Variants in ASIC2 observed in about 807,000 individuals in gnomAD.
The protein encoded by ASIC2 is acid-sensing ion channel 2.
ASIC2 carries 25 observed loss-of-function variants against 57.3 expected under a neutral mutation model. The observed-to-expected ratio is 0.44, with a 90% CI of 0.32 to 0.61. The LOEUF (loss-of-function observed/expected upper bound fraction) is 0.61. Ranked by LOEUF, ASIC2 falls within the 20% of genes least tolerant of loss-of-function variation. The pLI is 0.06. For synonymous variants in ASIC2, 319 were observed against 307.5 expected, an observed-to-expected ratio of 1.04 and a Z score of -0.39; for missense variants, 641 against 738.1, an observed-to-expected ratio of 0.87 and a Z score of 1.52.
intron 2 of ASIC2, among the ~76,000 whole-genome samples, chr17:33,093,978 A>ACCCTAGCTC: frequency 6.6e-6 from 1 of 152,190 alleles, no homozygotes; most frequent in Non-Finnish European, 1.5e-5. Context: ...GAGTGGGGGA[A>ACCCTAGCTC]CCCTAGCTCC....
chr17:33,740,112 G>A (rs1910063421), intron 1 of ASIC2, among the ~76,000 whole-genome samples: 1 of 152,182 alleles, frequency 6.6e-6, no homozygotes. Flanking sequence ...CAAAGTCATA[G>A]CCAAGTACAA....
At chr17:34,103,386 TC>T (rs1910935989) in intron 1 of ASIC2, among the ~76,000 whole-genome samples, 1 of 152,196 alleles carries the variant, frequency 6.6e-6, no homozygotes, top group South Asian at 2.1e-4. Flanking sequence ...ATTCCTGTGC[TC>T]AAACAATCCT....
At chr17:33,727,343 TCA>T (rs773622598) in intron 1 of ASIC2, among the ~76,000 whole-genome samples, 31 of 152,192 alleles carry the variant, frequency 2.0e-4, no homozygotes, top group Non-Finnish European at 1.2e-4. Flanking sequence ...CTTTAAAATC[TCA>T]GTTTTACAAC....
intron 3 of ASIC2, among the ~76,000 whole-genome samples, chr17:33,081,819 ATGG>A (rs1250679056): frequency 6.6e-6 from 1 of 152,190 alleles, no homozygotes; most frequent in African/African-American, 2.4e-5. Context: ...TTCCCTTCAA[ATGG>A]TGGAAATGTG....
At chr17:33,657,282 G>A (rs952346597) in intron 1 of ASIC2, among the ~76,000 whole-genome samples, 2 of 152,148 alleles carry the variant, frequency 1.3e-5, no homozygotes, top group African/African-American at 4.8e-5. Context: ...GACTGGCTAC[G>A]CTGCAGTTAC....
rs559460386 is a variant in ASIC2, at chr17:33,509,397, C to G, written c.556-397330G>C. Among the ~76,000 whole-genome samples, 238 of 152,264 alleles carry G rather than the reference C, an allele frequency of 1.6e-3. 1 individual carries two copies. Among genetic ancestry groups the G allele is most frequent in the African/African-American group, 5.3e-3 (221 of 41,550 alleles). On this transcript the variant is annotated intron_variant, in intron 1 of 9. Coordinates refer to the ASIC2 transcript ENST00000359872. ...CACTTCACAGATGAGTCAAGTGAGGCTTAGGGAGCTTAACCTCTTCCTCAA... is the reference window on the plus strand; with the variant it reads ...CACTTCACAGATGAGTCAAGTGAGGGTTAGGGAGCTTAACCTCTTCCTCAA...
chr17:34,072,105 G>A (rs1342626712), intron 1 of ASIC2: 1 of 152,440 alleles, frequency 6.6e-6, no homozygotes, highest in Non-Finnish European at 1.5e-5. Context: ...AAGGAAGCTA[G>A]GGGGTTTTTG....
At chr17:33,137,837 C>A (rs1030380034) in intron 1 of ASIC2, among the ~76,000 whole-genome samples, 1 of 152,206 alleles carries the variant, frequency 6.6e-6, no homozygotes, top group Non-Finnish European at 1.5e-5. Flanking sequence ...TGTACAAAAT[C>A]CCTCCACAGA....
chr17:33,242,496 T>C (rs920263104), intron 1 of ASIC2, among the ~76,000 whole-genome samples: 5 of 152,042 alleles, frequency 3.3e-5, no homozygotes, highest in African/African-American at 1.2e-4. Flanking sequence ...ATTTCACAGA[T>C]AAAGAAAATG....
chr17:33,705,722 C>A (rs1367852383), intron 1 of ASIC2, among the ~76,000 whole-genome samples: 2 of 152,188 alleles, frequency 1.3e-5, no homozygotes, highest in Non-Finnish European at 2.9e-5. Context: ...GCCCTGCCAA[C>A]ACCTTGGTTT....
intron 1 of ASIC2, among the ~76,000 whole-genome samples, chr17:34,107,601 G>C (rs1482206555): frequency 6.6e-6 from 1 of 152,082 alleles, no homozygotes; most frequent in Non-Finnish European, 1.5e-5. Flanking sequence ...CAAACACTAT[G>C]ATAGGCAAAC....
At chr17:33,624,418 A>AGTT (rs1482457802) in intron 1 of ASIC2, among the ~76,000 whole-genome samples, 2 of 152,216 alleles carry the variant, frequency 1.3e-5, no homozygotes, top group Non-Finnish European at 2.9e-5. Context: ...ACTGAACAGT[A>AGTT]GTTGGGTGCT....
intron 1 of ASIC2, among the ~76,000 whole-genome samples, chr17:33,532,867 GC>G (rs1390225585): frequency 6.6e-6 from 1 of 152,210 alleles, no homozygotes; most frequent in Non-Finnish European, 1.5e-5. Context: ...GCAATTTGGG[GC>G]TAGATAACTC....
intron 3 of ASIC2, among the ~76,000 whole-genome samples, chr17:33,033,146 G>T (rs2091892277): frequency 6.6e-6 from 1 of 152,138 alleles, no homozygotes; most frequent in South Asian, 2.1e-4. Flanking sequence ...CAGCTGTGTA[G>T]CTGGGGCTGC....
intron 1 of ASIC2, among the ~76,000 whole-genome samples, chr17:33,575,287 C>T (rs1181387219): frequency 1.3e-5 from 2 of 152,118 alleles, no homozygotes; most frequent in Non-Finnish European, 1.5e-5. Context: ...TGTAAGCATT[C>T]GACGATTCAT....
intron 1 of ASIC2, among the ~76,000 whole-genome samples, chr17:33,982,864 T>C (rs1311710267): frequency 6.6e-6 from 1 of 152,192 alleles, no homozygotes; most frequent in African/African-American, 2.4e-5. Context: ...TGTACATGGG[T>C]GTATAGAACT....
chr17:33,561,252 C>A (rs1916065178), intron 1 of ASIC2, among the ~76,000 whole-genome samples: 1 of 152,144 alleles, frequency 6.6e-6, no homozygotes, highest in Admixed American at 6.5e-5. Context: ...AGGTCAAATT[C>A]CAGCTTTATC....
chr17:33,399,196 C>T (rs1411355714), intron 1 of ASIC2, among the ~76,000 whole-genome samples: 1 of 152,168 alleles, frequency 6.6e-6, no homozygotes, highest in Admixed American at 6.5e-5. Context: ...TTCTGTCCTT[C>T]ATGAGGCCCT....
intron 3 of ASIC2, among the ~76,000 whole-genome samples, chr17:33,050,772 C>A (rs1270850823): frequency 6.6e-6 from 1 of 151,976 alleles, no homozygotes; most frequent in African/African-American, 2.4e-5. Flanking sequence ...TGGACCATGG[C>A]CCTCCTGCTT....
Sources: allele counts gnomAD v4.1 joint callset (sites outside exome capture counted in the v4.1 genomes callset), GRCh38; gene constraint gnomAD v4.1.1; transcripts MANE v1.5; gene names NCBI Gene and HGNC (gene_info 2026-07-23, HGNC 2026-07-21).